The following AOAH variants were observed in gnomAD, a reference collection of about 807,000 sequenced individuals.
AOAH encodes acyloxyacyl hydrolase (neutrophil).
In AOAH, 64 loss-of-function variants were observed where a neutral mutation model predicts 92.2. The ratio of observed to expected loss-of-function variants is 0.69; its 90% CI spans 0.57 to 0.86. AOAH has a LOEUF of 0.86. AOAH is among the 40% of genes least tolerant of loss of function. The pLI, the probability that AOAH is intolerant of heterozygous loss-of-function variation, is 0.00. For missense variants in AOAH, 656 were observed against 694.6 expected (o/e 0.94, Z 0.62); for synonymous variants, 263 against 254.5 (o/e 1.03, Z -0.32).
chr7:36,700,656 G>T (rs955583971), intron 1 of AOAH, among the ~76,000 whole-genome samples: 1 of 152,008 alleles, frequency 6.6e-6, no homozygotes, highest in African/African-American at 2.4e-5. Context: ...ATATGAGCAG[G>T]TGTATTCTGA....
chr7:36,647,777 A>G (rs935810102), intron 4 of AOAH, among the ~76,000 whole-genome samples: 1 of 152,140 alleles, frequency 6.6e-6, no homozygotes, highest in African/African-American at 2.4e-5. Context: ...GAAAAGATGG[A>G]ACAATAGAGC....
chr7:36,675,964 A>AT (rs954169151), intron 2 of AOAH, among the ~76,000 whole-genome samples: 1 of 152,084 alleles, frequency 6.6e-6, no homozygotes, highest in African/African-American at 2.4e-5. Flanking sequence ...ATAAAAGGGA[A>AT]TGTCCTCAAC....
At chr7:36,714,120 T>C (rs905192150) in intron 1 of AOAH, among the ~76,000 whole-genome samples, 1 of 151,814 alleles carries the variant, frequency 6.6e-6, no homozygotes, top group African/African-American at 2.4e-5. Flanking sequence ...ATCTAATAGA[T>C]GCAATAAAAA....
intron 1 of AOAH, among the ~76,000 whole-genome samples, chr7:36,693,684 G>C (rs1797543805): frequency 6.6e-6 from 1 of 152,124 alleles, no homozygotes; most frequent in Non-Finnish European, 1.5e-5. Context: ...GCTTATCTAA[G>C]CAACAGATTG....
chr7:36,600,203 G>GGCTT (rs1790449177), intron 11 of AOAH: 1 of 152,248 alleles, frequency 6.6e-6, no homozygotes, highest in African/African-American at 2.4e-5. Flanking sequence ...CTGTGAGGCA[G>GGCTT]CCTTCCTCCC....
chr7:36,635,486 G>T (rs950257193), intron 5 of AOAH, among the ~76,000 whole-genome samples: 1 of 150,994 alleles, frequency 6.6e-6, no homozygotes, highest in African/African-American at 2.4e-5. Flanking sequence ...AACCCTTGTC[G>T]TGTATTATAT....
At chr7:36,658,463 A>T (rs537439988) in intron 4 of AOAH, among the ~76,000 whole-genome samples, 21 of 152,306 alleles carry the variant, frequency 1.4e-4, no homozygotes, top group Middle Eastern at 3.4e-3. Flanking sequence ...TCTCATCCAG[A>T]GTGTGCGGAG....
intron 11 of AOAH, among the ~76,000 whole-genome samples, chr7:36,613,247 T>C (rs925913718): frequency 6.6e-6 from 1 of 152,230 alleles, no homozygotes; most frequent in Non-Finnish European, 1.5e-5. Flanking sequence ...GCTGTTCCGC[T>C]TTTTCCTGAA....
At chr7:36,549,786 A>G (rs1373688900) in intron 13 of AOAH, among the ~76,000 whole-genome samples, 2 of 152,246 alleles carry the variant, frequency 1.3e-5, no homozygotes, top group Non-Finnish European at 2.9e-5. Context: ...TGAGAAAAAA[A>G]GTATGTATCT....
At chr7:36,654,796 A>G (rs1794780382) in intron 4 of AOAH, among the ~76,000 whole-genome samples, 1 of 152,218 alleles carries the variant, frequency 6.6e-6, no homozygotes, top group Admixed American at 6.5e-5. Context: ...ACGGAGTCTC[A>G]GTGAGGCAGA....
At chr7:36,571,241 C>G (rs181648694) in intron 13 of AOAH, among the ~76,000 whole-genome samples, 1 of 152,268 alleles carries the variant, frequency 6.6e-6, no homozygotes, top group East Asian at 1.9e-4. Context: ...ACTTTTGCCC[C>G]CCTGGGTCTC....
At chr7:36,621,562 C>T in intron 8 of AOAH, 148 bp downstream of exon 8, 1 of 816,478 alleles carries the variant, frequency 1.2e-6, no homozygotes, top group East Asian at 2.4e-5. Context: ...GAATGCCGTT[C>T]TTTTTTCACT....
In AOAH at chr7:36,573,011, C is replaced by T. The variant is rs537481002; in HGVS notation, c.1021+3563G>A. On this transcript the variant is annotated intron_variant, in intron 13 of 20. Transcript: ENST00000617537. Reference sequence around the variant, plus strand: ...AACTGTGCTCAATGAACCATGATCCCCATTTTACAGATGCAGAAACAGGCA... The same window carrying T: ...AACTGTGCTCAATGAACCATGATCCTCATTTTACAGATGCAGAAACAGGCA... Among the ~76,000 whole-genome samples, 3 of 152,296 alleles carry T rather than the reference C, an allele frequency of 2.0e-5. No homozygotes were observed. The South Asian group carries it at 6.2e-4, about 32-fold the overall frequency.
In AOAH at chr7:36,618,316, A is replaced by G. The variant is rs1399425175; in HGVS notation, c.732T>C (p.Tyr244=). ...TCATACCTTCACAGAATTTCTTCTC[A>G]TATGGAACTCCATCTTTTGGATCGA... ...WGVDPKDGVP[Y]EKKFCEGSQP... is the part of the protein sequence containing the mutation. The change falls in exon 10 of 21, where the codon TAT becomes TAC. Residue 244 remains tyrosine (Y), a synonymous_variant. Transcript: ENST00000617537. 3 of 1,614,006 alleles carry G rather than the reference A, an allele frequency of 1.9e-6. No individual in the cohort carries two copies. The highest frequency in any genetic ancestry group is 1.7e-5 in the Admixed American group (1 of 60,014).
At chr7:36,670,672 T>A (rs1795859537) in intron 3 of AOAH, among the ~76,000 whole-genome samples, 1 of 152,128 alleles carries the variant, frequency 6.6e-6, no homozygotes, top group South Asian at 2.1e-4. Flanking sequence ...AGACAGGGTT[T>A]CACCATGTTG....
At chr7:36,544,171 T>C (rs1267734677) in intron 15 of AOAH, among the ~76,000 whole-genome samples, 1 of 152,096 alleles carries the variant, frequency 6.6e-6, no homozygotes, top group African/African-American at 2.4e-5. Context: ...GGTCTCAATC[T>C]CTTGACCTCG....
Position 36,715,684 on chromosome 7 carries a change from A to C in AOAH, c.127+8338T>G, listed in dbSNP as rs187833169. ...GAAATAATGCCACATATCTACAACT[A>C]TCTGATCTTTGACAAACCTGAGAAA... is the stretch of plus-strand genomic sequence containing the variant. On this transcript the variant is annotated intron_variant, in intron 1 of 20. Transcript: ENST00000617537. Among the ~76,000 whole-genome samples the C allele has an allele frequency of 3.4e-3, 490 of 142,266 alleles. 2 individuals carry two copies. The highest frequency in any genetic ancestry group is 0.01 in the African/African-American group (398 of 38,248). The allele number at this position is 142,266 out of a possible 152,430, so 93.3% of individuals were successfully genotyped here. A position where few individuals can be genotyped will look rare whatever the true frequency, so the allele number is the denominator to read the frequency against.
intron 11 of AOAH, among the ~76,000 whole-genome samples, chr7:36,612,367 AAT>A (rs1337544906): frequency 1.3e-5 from 2 of 152,148 alleles, no homozygotes; most frequent in African/African-American, 4.8e-5. Flanking sequence ...CTTGCCCATA[AAT>A]ATGTCTATTA....
chr7:36,655,779 G>A (rs928699445), intron 4 of AOAH, among the ~76,000 whole-genome samples: 4 of 152,168 alleles, frequency 2.6e-5, no homozygotes, highest in African/African-American at 9.7e-5. Flanking sequence ...GTGAGGCACC[G>A]TCCTAGACAC....
Sources: gnomAD v4.1 joint callset for allele counts (sites outside exome capture counted in the v4.1 genomes callset) on GRCh38, gnomAD v4.1.1 for gene constraint, MANE v1.5 for transcripts, NCBI Gene and HGNC (gene_info 2026-07-23, HGNC 2026-07-21) for gene names.